MYO10: variants seen among roughly 807,000 people sequenced by gnomAD.
MYO10 encodes myosin X.
In MYO10, 133 loss-of-function variants were observed where a neutral mutation model predicts 257.3. That is an observed-to-expected ratio of 0.52 (90% CI 0.45 to 0.60). The LOEUF is 0.60. MYO10 is among the 20% of genes least tolerant of loss of function. MYO10 has a pLI of 0.00. For missense variants in MYO10, 2,399 were observed against 2,635.7 expected (o/e 0.91, Z 1.97); for synonymous variants, 1,104 against 1,028.6 (o/e 1.07, Z -1.40).
chr5:16,916,778 G>A (rs572835747), intron 1 of MYO10, among the ~76,000 whole-genome samples: 7 of 152,130 alleles, frequency 4.6e-5, no homozygotes, highest in South Asian at 4.2e-4. Flanking sequence ...TGGGAGAAAC[G>A]GAAAAGAAAA....
At chr5:16,832,916 C>T (rs1743201584) in intron 2 of MYO10, among the ~76,000 whole-genome samples, 1 of 152,174 alleles carries the variant, frequency 6.6e-6, no homozygotes. Context: ...CCTAAAATCC[C>T]TCCATTGCCA....
Position 16,725,078 on chromosome 5 carries a change from C to CTTTTTTTT in MYO10, c.1930-13841_1930-13834dup, listed in dbSNP as rs34100971. Among the ~76,000 whole-genome samples, 22 of 74,940 alleles carry CTTTTTTTT rather than the reference C, an allele frequency of 2.9e-4. 1 individual carries two copies. The highest frequency in any genetic ancestry group is 4.3e-4 in the Non-Finnish European group (18 of 42,012). 49.2% of individuals were successfully genotyped at this position (74,940 alleles called of 152,430 possible). A position where few individuals can be genotyped will look rare whatever the true frequency, so the allele number is the denominator to read the frequency against. On this transcript the variant is annotated intron_variant, in intron 19 of 40. Transcript: ENST00000513610. ...TATACAGTTCTCTCACCTTCTTCTT[C>CTTTTTTTT]TTTTTTTTTTTTTTTTTTTTTTTTT... is the stretch of plus-strand genomic sequence containing the variant.
Position 16,763,733 on chromosome 5 carries a change from T to C in MYO10, c.1349A>G (p.Asn450Ser), listed in dbSNP as rs375115983. The C allele has an allele frequency of 1.7e-5, 27 of 1,603,880 alleles. No individual in the cohort carries two copies. Among genetic ancestry groups the C allele is most frequent in the East Asian group, 1.3e-4 (6 of 44,822 alleles). Residue 450 changes from asparagine (N) to serine (S), a missense_variant, in exon 13 of 41, where the codon AAT becomes AGT. Around this residue, in one of 3 missense-constraint regions of MYO10, gnomAD observed 337 missense variants for 446.8 expected, o/e 0.75. Transcript: ENST00000513610. ...NFEVNHFEQF[N>S]INYANEKLQE... ...AAGTTTCTCGTTTGCATAGTTTATATTGAACTGTTCAAAGTGATTAACCTA... is the reference window on the plus strand; with the variant it reads ...AAGTTTCTCGTTTGCATAGTTTATACTGAACTGTTCAAAGTGATTAACCTA...
At chr5:16,716,883 G>C (rs1265586132) in intron 19 of MYO10, among the ~76,000 whole-genome samples, 1 of 152,098 alleles carries the variant, frequency 6.6e-6, no homozygotes, top group Non-Finnish European at 1.5e-5. Flanking sequence ...ACCCAGGCTG[G>C]AGTGCAGTGG....
chr5:16,668,004 T>C (rs891705707), intron 40 of MYO10, among the ~76,000 whole-genome samples: 6 of 152,168 alleles, frequency 3.9e-5, no homozygotes, highest in African/African-American at 1.4e-4. Flanking sequence ...TCTATGTCAC[T>C]TCCCTTTCTC....
At chr5:16,837,992 A>G (rs1184602783) in intron 2 of MYO10, among the ~76,000 whole-genome samples, 3 of 152,122 alleles carry the variant, frequency 2.0e-5, no homozygotes, top group Non-Finnish European at 4.4e-5. Context: ...ACACCCATAC[A>G]AGACAGTGAA....
intron 33 of MYO10, among the ~76,000 whole-genome samples, chr5:16,678,605 T>C (rs1325468898): frequency 6.6e-6 from 1 of 152,104 alleles, no homozygotes; most frequent in Non-Finnish European, 1.5e-5. Flanking sequence ...AAAAAACAAC[T>C]GGCTTGCCAG....
chr5:16,688,749 A>G (rs7443824), intron 28 of MYO10, among the ~76,000 whole-genome samples: 1 of 134,154 alleles, frequency 7.5e-6, no homozygotes, highest in Admixed American at 7.4e-5. Flanking sequence ...TCAAAAAAAA[A>G]GAAAAAAAAA....
intron 10 of MYO10, among the ~76,000 whole-genome samples, chr5:16,767,639 G>T (rs1740911962): frequency 6.6e-6 from 1 of 151,160 alleles, no homozygotes; most frequent in Admixed American, 6.6e-5. Context: ...AATTAATAAA[G>T]AATATTTTTT....
At chr5:16,769,298 T>C (rs1486440220) in intron 9 of MYO10, 95 bp from the exon 10 acceptor site, 8 of 1,332,632 alleles carry the variant, frequency 6.0e-6, no homozygotes, top group African/African-American at 1.5e-5. Flanking sequence ...TAGGTGTTAT[T>C]GAAAAGGCAA....
chr5:16,927,300 T>G (rs1223127770), intron 1 of MYO10, among the ~76,000 whole-genome samples: 1 of 152,102 alleles, frequency 6.6e-6, no homozygotes, highest in Non-Finnish European at 1.5e-5. Flanking sequence ...GTCTTCTGCT[T>G]ATGGTATTTT....
chr5:16,713,684 T>C (rs1369153705), intron 19 of MYO10, among the ~76,000 whole-genome samples: 2 of 152,178 alleles, frequency 1.3e-5, no homozygotes, highest in Non-Finnish European at 2.9e-5. Context: ...CAACCCACCC[T>C]GCGATCACAA....
chr5:16,810,605 A>G (rs1742406560), intron 3 of MYO10, among the ~76,000 whole-genome samples: 1 of 152,124 alleles, frequency 6.6e-6, no homozygotes. Flanking sequence ...ATCATCCTGG[A>G]CAACATAGCA....
intron 33 of MYO10, among the ~76,000 whole-genome samples, chr5:16,677,182 G>A (rs905104431): frequency 6.6e-6 from 1 of 152,080 alleles, no homozygotes; most frequent in Non-Finnish European, 1.5e-5. Flanking sequence ...GAGAGGTAAT[G>A]AATCATTCTA....
At chr5:16,917,208 T>C (rs1011178658) in intron 1 of MYO10, among the ~76,000 whole-genome samples, 1 of 152,188 alleles carries the variant, frequency 6.6e-6, no homozygotes, top group African/African-American at 2.4e-5. Context: ...GATTAATGCA[T>C]CATTCACACA....
chr5:16,916,271 C>A, intron 1 of MYO10: 2 of 384,124 alleles, frequency 5.2e-6, no homozygotes, highest in Non-Finnish European at 5.2e-6. Context: ...CGTGTTCTAA[C>A]AAATTAAATA....
At chr5:16,837,950 C>T (rs1435331654) in intron 2 of MYO10, among the ~76,000 whole-genome samples, 2 of 152,098 alleles carry the variant, frequency 1.3e-5, no homozygotes, top group Non-Finnish European at 2.9e-5. Flanking sequence ...CTTTGATGCT[C>T]CTATTGTAAT....
At chr5:16,806,418 G>A (rs546704148) in intron 3 of MYO10, among the ~76,000 whole-genome samples, 3 of 151,668 alleles carry the variant, frequency 2.0e-5, no homozygotes, top group South Asian at 2.1e-4. Flanking sequence ...AGGCAGAGGC[G>A]GGCGGATCAC....
chr5:16,687,582 G>A (rs567540443), intron 28 of MYO10, among the ~76,000 whole-genome samples: 55 of 151,726 alleles, frequency 3.6e-4, no homozygotes, highest in African/African-American at 6.5e-4. Context: ...GCATGTTTAA[G>A]TTAAAAAAAT....
Sources: allele counts gnomAD v4.1 joint callset (sites outside exome capture counted in the v4.1 genomes callset), GRCh38; gene constraint gnomAD v4.1.1; regional missense constraint gnomAD v4.1.1; transcripts MANE v1.5; gene names NCBI Gene and HGNC (gene_info 2026-07-23, HGNC 2026-07-21).